CNTN5: variants seen among roughly 807,000 people sequenced by gnomAD.
CNTN5 encodes the protein contactin-5.
A neutral mutation model predicts 129.1 loss-of-function variants in CNTN5; 77 were observed. The ratio of observed to expected loss-of-function variants is 0.60; its 90% CI spans 0.50 to 0.72. The LOEUF (loss-of-function observed/expected upper bound fraction) is 0.72. Ranked by LOEUF, CNTN5 falls within the 30% of genes least tolerant of loss-of-function variation. The pLI, the probability that CNTN5 is intolerant of heterozygous loss-of-function variation, is 0.00. For missense variants in CNTN5, 1,478 were observed against 1,328.8 expected, an observed-to-expected ratio of 1.11 and a Z score of -1.75; for synonymous variants, 509 against 465.6, an observed-to-expected ratio of 1.09 and a Z score of -1.20.
intron 1 of CNTN5, among the ~76,000 whole-genome samples, chr11:99,213,325 T>G (rs11606004): frequency 0.14 from 19,694 of 143,202 alleles, 1,550 homozygotes; most frequent in Middle Eastern, 0.26. Flanking sequence ...ATAAAATATA[T>G]AAATATATAC....
Position 99,333,933 on chromosome 11 carries a change from A to T in CNTN5, c.-71+8449A>T, listed in dbSNP as rs942162931. ...TACTCTCAAAGCTATGGGTAAAAAT[A>T]TAGTGATTATCAACTCATCAACTTT... On this transcript the variant is annotated intron_variant, in intron 2 of 24. Transcript: ENST00000524871. Among the ~76,000 whole-genome samples the T allele has an allele frequency of 1.1e-4, 16 of 150,820 alleles. No individual in the cohort carries two copies. In the Admixed American group the frequency reaches 1.1e-3, roughly 10 times the overall value.
chr11:99,145,737 T>C (rs1162974002), intron 1 of CNTN5, among the ~76,000 whole-genome samples: 1 of 152,122 alleles, frequency 6.6e-6, no homozygotes, highest in Admixed American at 6.5e-5. Context: ...CAAATGATGG[T>C]AATAATATTT....
chr11:99,736,527 A>G (rs776182362), intron 3 of CNTN5, among the ~76,000 whole-genome samples: 2 of 152,216 alleles, frequency 1.3e-5, no homozygotes, highest in Non-Finnish European at 2.9e-5. Flanking sequence ...CAGCTGTGTT[A>G]GACGATTGTA....
intron 9 of CNTN5, among the ~76,000 whole-genome samples, chr11:100,008,025 G>A (rs1940300445): frequency 6.6e-6 from 1 of 152,028 alleles, no homozygotes; most frequent in Non-Finnish European, 1.5e-5. Flanking sequence ...GGAGAGAGAT[G>A]AGGGAGTGGC....
At chr11:100,301,695 G>A (rs143821125) in intron 20 of CNTN5, among the ~76,000 whole-genome samples, 271 of 151,666 alleles carry the variant, frequency 1.8e-3, no homozygotes, top group Non-Finnish European at 3.0e-3. Flanking sequence ...GGCAGGACAA[G>A]GGAAAAGAAA....
At chr11:99,279,908 A>G (rs61893126) in intron 1 of CNTN5, among the ~76,000 whole-genome samples, 14,721 of 151,494 alleles carry the variant, frequency 0.097, 1,536 homozygotes, top group East Asian at 0.45. Context: ...GGTGTTTTAA[A>G]TGTCTGCGTC....
intron 2 of CNTN5, among the ~76,000 whole-genome samples, chr11:99,444,492 GA>G (rs992356197): frequency 9.2e-5 from 14 of 152,006 alleles, no homozygotes; most frequent in African/African-American, 1.2e-4. Context: ...ACGTTAGTGA[GA>G]AAAAAAGTGT....
intron 2 of CNTN5, among the ~76,000 whole-genome samples, chr11:99,486,183 A>G (rs1945804392): frequency 6.6e-6 from 1 of 152,020 alleles, no homozygotes; most frequent in Non-Finnish European, 1.5e-5. Flanking sequence ...GCCTGCTTTA[A>G]TCTTTTTCAG....
At chr11:99,107,618 A>G (rs1867059230) in intron 1 of CNTN5, among the ~76,000 whole-genome samples, 1 of 152,074 alleles carries the variant, frequency 6.6e-6, no homozygotes, top group African/African-American at 2.4e-5. Context: ...AGAAAAAAAA[A>G]TCTGGGACAA....
At chr11:99,952,053 T>C (rs1950689315) in intron 7 of CNTN5, among the ~76,000 whole-genome samples, 1 of 152,166 alleles carries the variant, frequency 6.6e-6, no homozygotes, top group African/African-American at 2.4e-5. Context: ...GTAATTGACA[T>C]GGCTAATAGT....
intron 8 of CNTN5, among the ~76,000 whole-genome samples, chr11:99,999,713 T>C (rs1453303330): frequency 6.6e-6 from 1 of 152,060 alleles, no homozygotes; most frequent in African/African-American, 2.4e-5. Context: ...CACACGTATG[T>C]TTATTGCAGC....
intron 7 of CNTN5, among the ~76,000 whole-genome samples, chr11:99,918,622 C>T (rs1285795641): frequency 6.6e-6 from 1 of 152,156 alleles, no homozygotes; most frequent in Non-Finnish European, 1.5e-5. Context: ...TAGCCATACA[C>T]TCTGACTTCC....
intron 15 of CNTN5, among the ~76,000 whole-genome samples, chr11:100,204,041 T>C (rs984896361): frequency 6.6e-6 from 1 of 151,618 alleles, no homozygotes; most frequent in African/African-American, 2.4e-5. Flanking sequence ...TTCCCAGTGC[T>C]TCCATTATAC....
At chr11:99,040,620 C>CAATTCT (rs1472914474) in intron 1 of CNTN5, among the ~76,000 whole-genome samples, 6 of 152,106 alleles carry the variant, frequency 3.9e-5, no homozygotes, top group Non-Finnish European at 7.4e-5. Flanking sequence ...AAAATGAGAA[C>CAATTCT]AATTCTATTC....
intron 1 of CNTN5, among the ~76,000 whole-genome samples, chr11:99,046,280 C>T (rs188360070): frequency 8.5e-5 from 13 of 152,208 alleles, no homozygotes; most frequent in African/African-American, 1.4e-4. Flanking sequence ...GTGGAGGTTG[C>T]GGTGAGCCAA....
At chr11:99,999,633 T>C (rs1939720265) in intron 8 of CNTN5, among the ~76,000 whole-genome samples, 1 of 152,120 alleles carries the variant, frequency 6.6e-6, no homozygotes, top group Non-Finnish European at 1.5e-5. Context: ...GAAATACCAT[T>C]TGACCCAGCC....
chr11:100,054,883 A>G (rs1326399268), intron 9 of CNTN5, among the ~76,000 whole-genome samples: 1 of 151,524 alleles, frequency 6.6e-6, no homozygotes, highest in Non-Finnish European at 1.5e-5. Context: ...TCGTTTAGAA[A>G]CTCAGTCCTG....
chr11:99,953,853 A>C (rs1387323695), intron 7 of CNTN5, among the ~76,000 whole-genome samples: 2 of 152,220 alleles, frequency 1.3e-5, no homozygotes, highest in Non-Finnish European at 2.9e-5. Flanking sequence ...ATTGAAATTT[A>C]ACATAAACAT....
At chr11:99,979,924 T>C (rs772146686) in intron 8 of CNTN5, among the ~76,000 whole-genome samples, 1 of 152,170 alleles carries the variant, frequency 6.6e-6, no homozygotes, top group Non-Finnish European at 1.5e-5. Context: ...TTAGGTAACT[T>C]TTCAACTTCC....
Sources: allele counts gnomAD v4.1 joint callset (sites outside exome capture counted in the v4.1 genomes callset), GRCh38; gene constraint gnomAD v4.1.1; transcripts MANE v1.5; gene names NCBI Gene and HGNC (gene_info 2026-07-23, HGNC 2026-07-21).